NTM: variants seen among roughly 807,000 people sequenced by gnomAD.
NTM encodes IgLON family member 2.
In NTM, 13 loss-of-function variants were observed where a neutral mutation model predicts 42.1. That is an observed-to-expected ratio of 0.31 (90% CI 0.20 to 0.49). The LOEUF is 0.49. NTM is among the 20% of genes least tolerant of loss of function. The pLI, the probability that NTM is intolerant of heterozygous loss-of-function variation, is 0.99. For synonymous variants in NTM, 187 were observed against 179.2 expected (o/e 1.04, Z -0.35); for missense variants, 373 against 452.8 (o/e 0.82, Z 1.60).
At chr11:132,097,798 G>A (rs1228959007) in intron 2 of NTM, among the ~76,000 whole-genome samples, 2 of 152,214 alleles carry the variant, frequency 1.3e-5, no homozygotes, top group African/African-American at 2.4e-5. Context: ...ATTGTGATGA[G>A]GACCTTTTCC....
chr11:131,701,560 A>G (rs895547584), intron 1 of NTM, among the ~76,000 whole-genome samples: 1 of 152,226 alleles, frequency 6.6e-6, no homozygotes, highest in Admixed American at 6.5e-5. Context: ...TGCCTCTGCC[A>G]TCCCTAGCTC....
At chr11:131,545,424 T>C (rs773303171) in intron 1 of NTM, among the ~76,000 whole-genome samples, 5 of 152,176 alleles carry the variant, frequency 3.3e-5, no homozygotes, top group Non-Finnish European at 7.3e-5. Flanking sequence ...CAATAAAGAA[T>C]TGAAGGGCAT....
At chr11:132,020,882 T>C (rs1298153108) in intron 2 of NTM, among the ~76,000 whole-genome samples, 1 of 152,172 alleles carries the variant, frequency 6.6e-6, no homozygotes, top group Non-Finnish European at 1.5e-5. Context: ...TGTGGCTCTT[T>C]TTGTAGTTAT....
At chr11:131,495,662 G>A (rs1955263786) in intron 1 of NTM, among the ~76,000 whole-genome samples, 1 of 152,226 alleles carries the variant, frequency 6.6e-6, no homozygotes, top group South Asian at 2.1e-4. Flanking sequence ...CCTGGAAACA[G>A]GGTTGAGCAG....
At chr11:132,124,720 T>C (rs1480729048) in intron 2 of NTM, among the ~76,000 whole-genome samples, 4 of 152,244 alleles carry the variant, frequency 2.6e-5, no homozygotes, top group African/African-American at 9.6e-5. Context: ...CTCATGCATG[T>C]AATTCCAGCA....
At chr11:132,010,638 T>C (rs2071959328) in intron 2 of NTM, among the ~76,000 whole-genome samples, 1 of 148,572 alleles carries the variant, frequency 6.7e-6, no homozygotes, top group Non-Finnish European at 1.5e-5. Context: ...TCCTCCATTC[T>C]CTTCTGCTAG....
intron 2 of NTM, among the ~76,000 whole-genome samples, chr11:132,081,550 G>C (rs1040333184): frequency 6.6e-6 from 1 of 152,034 alleles, no homozygotes; most frequent in East Asian, 1.9e-4. Flanking sequence ...GGCTAACACG[G>C]TGAAACCCCG....
intron 4 of NTM, among the ~76,000 whole-genome samples, chr11:132,273,020 T>C (rs1020368205): frequency 6.6e-6 from 1 of 152,104 alleles, no homozygotes; most frequent in Non-Finnish European, 1.5e-5. Flanking sequence ...TTTGTTTTTG[T>C]TTTTTGTAGA....
chr11:131,412,978 T>TA (rs1042433205), intron 1 of NTM, among the ~76,000 whole-genome samples: 2 of 152,166 alleles, frequency 1.3e-5, no homozygotes, highest in African/African-American at 4.8e-5. Context: ...GGGCAAAGGA[T>TA]AACATTAAAC....
chr11:131,380,386 T>A (rs1942523702), intron 1 of NTM, among the ~76,000 whole-genome samples: 1 of 152,026 alleles, frequency 6.6e-6, no homozygotes, highest in Admixed American at 6.5e-5. Context: ...TTTTTTTCTA[T>A]TTTTACTAGA....
chr11:132,023,551 G>A (rs752589010), intron 2 of NTM, among the ~76,000 whole-genome samples: 2 of 152,072 alleles, frequency 1.3e-5, no homozygotes, highest in African/African-American at 2.4e-5. Context: ...TGGAGTTTGC[G>A]CCCGCTCCAG....
At chr11:132,101,626 C>G (rs2061642872) in intron 2 of NTM, among the ~76,000 whole-genome samples, 1 of 150,026 alleles carries the variant, frequency 6.7e-6, no homozygotes, top group South Asian at 2.1e-4. Context: ...TAACCTGTTC[C>G]ATATAATGCA....
At chr11:132,027,809 A>G (rs1375164177) in intron 2 of NTM, among the ~76,000 whole-genome samples, 2 of 152,124 alleles carry the variant, frequency 1.3e-5, no homozygotes, top group Non-Finnish European at 2.9e-5. Context: ...CTCAGTCATT[A>G]TTGCTTCAAA....
chr11:132,057,321 C>T (rs1204431329), intron 2 of NTM, among the ~76,000 whole-genome samples: 1 of 151,490 alleles, frequency 6.6e-6, no homozygotes, highest in African/African-American at 2.4e-5. Context: ...AAATCTAGTT[C>T]GTTTTCACTC....
Position 131,635,207 on chromosome 11 carries a change from A to G in NTM, c.82+264319A>G, listed in dbSNP as rs567837259. Among the ~76,000 whole-genome samples, 319 of 152,336 alleles carry G rather than the reference A, an allele frequency of 2.1e-3. 1 individual carries two copies. The highest frequency in any genetic ancestry group is 7.1e-3 in the African/African-American group (295 of 41,582). On this transcript the variant is annotated intron_variant, in intron 1 of 8. Coordinates refer to ENST00000683400, the MANE Select transcript of NTM (RefSeq NM_001352005.2). ...AGGTGAAAATGAGACTTTTTAAAAG[A>G]GTGACACCTTCTCAAGAAGAGCCTT...
At chr11:131,973,663 A>G (rs1043840012) in intron 2 of NTM, among the ~76,000 whole-genome samples, 13 of 152,298 alleles carry the variant, frequency 8.5e-5, no homozygotes, top group Admixed American at 5.9e-4. Flanking sequence ...CTAAAAATAC[A>G]AAAATTAGCC....
At chr11:131,879,814 C>T (rs2049185318) in intron 1 of NTM, among the ~76,000 whole-genome samples, 1 of 152,162 alleles carries the variant, frequency 6.6e-6, no homozygotes, top group Non-Finnish European at 1.5e-5. Context: ...TTCCTTTCCT[C>T]TTCCTAGATT....
intron 1 of NTM, among the ~76,000 whole-genome samples, chr11:131,579,598 A>G: frequency 6.6e-6 from 1 of 152,180 alleles, no homozygotes; most frequent in South Asian, 2.1e-4. Context: ...GCATGGGAGG[A>G]AGACCTCTTA....
intron 3 of NTM, among the ~76,000 whole-genome samples, chr11:132,153,531 C>T (rs1180816573): frequency 6.6e-6 from 1 of 152,134 alleles, no homozygotes; most frequent in Non-Finnish European, 1.5e-5. Flanking sequence ...GTGTGTGATA[C>T]AGCAATATCA....
Sources: allele counts gnomAD v4.1 joint callset (sites outside exome capture counted in the v4.1 genomes callset), GRCh38; gene constraint gnomAD v4.1.1; transcripts MANE v1.5; gene names NCBI Gene and HGNC (gene_info 2026-07-23, HGNC 2026-07-21).